The following FAM169A variants were observed in gnomAD, a reference collection of about 807,000 sequenced individuals.
The protein encoded by FAM169A is family with sequence similarity 169 member A, also known as soluble lamin-associated protein of 75 kDa.
Under a neutral mutation model 75.7 loss-of-function variants are expected in FAM169A, and 24 were observed. The observed-to-expected ratio is 0.32, with a 90% CI of 0.23 to 0.45. The LOEUF (loss-of-function observed/expected upper bound fraction) is 0.45. Ranked by LOEUF, FAM169A falls within the 20% of genes least tolerant of loss-of-function variation. The pLI, the probability that FAM169A is intolerant of heterozygous loss-of-function variation, is 1.00. For missense variants in FAM169A, 673 were observed against 784.0 expected, an observed-to-expected ratio of 0.86 and a Z score of 1.69; for synonymous variants, 271 against 271.0, an observed-to-expected ratio of 1.00 and a Z score of 0.00.
intron 1 of FAM169A, among the ~76,000 whole-genome samples, chr5:74,843,598 A>G (rs1748996870): frequency 6.6e-6 from 1 of 152,150 alleles, no homozygotes; most frequent in Non-Finnish European, 1.5e-5. Flanking sequence ...GTATTATTTC[A>G]TTGGTCTATC....
In FAM169A at chr5:74,804,498, G is replaced by A. The variant is rs1325975122; in HGVS notation, c.907C>T (p.Leu303=). 6.4e-7 allele frequency: 1 copy of A among 1,565,270 alleles called. No homozygotes were observed. The highest frequency in any genetic ancestry group is 1.7e-5 in the Admixed American group (1 of 57,838). The part of the protein sequence containing the change: ...TEDNQSSEMQ[L]TIDSLKDAFA... ...CATATAGACAGTGTACCTACAGTTA[G>A]CTGCATCTCACTAGACTGATTGTCT... The change falls in exon 8 of 13, where the codon CTA becomes TTA. Residue 303 remains leucine, a synonymous_variant. Coordinates refer to ENST00000687041, the MANE Select transcript of FAM169A (RefSeq NM_001376049.1).
At chr5:74,852,880 T>A (rs1185925030) in intron 1 of FAM169A, among the ~76,000 whole-genome samples, 1 of 152,134 alleles carries the variant, frequency 6.6e-6, no homozygotes, top group African/African-American at 2.4e-5. Flanking sequence ...CAGCTACATA[T>A]AGGTTGGATT....
intron 7 of FAM169A, among the ~76,000 whole-genome samples, chr5:74,804,949 A>T (rs181280866): frequency 4.6e-5 from 7 of 152,140 alleles, no homozygotes; most frequent in Admixed American, 2.0e-4. Context: ...GTTACTAAGG[A>T]CTCAAAAGTT....
chr5:74,809,897 G>A (rs542084459), intron 6 of FAM169A, among the ~76,000 whole-genome samples: 9 of 152,228 alleles, frequency 5.9e-5, no homozygotes, highest in East Asian at 1.9e-4. Context: ...ACGGGAATGC[G>A]AAATGACATA....
Position 74,842,057 on chromosome 5 carries a change from A to T in FAM169A, c.-3-378T>A, listed in dbSNP as rs565693773. On this transcript the variant is annotated intron_variant, in intron 1 of 12. Coordinates refer to ENST00000687041, the MANE Select transcript of FAM169A (RefSeq NM_001376049.1). ...AAAGGACACGAGAACTTGTTGGAAT[A>T]ATGAAAATGTTCTACAATTGGATTG... is the stretch of plus-strand genomic sequence containing the variant. Among the ~76,000 whole-genome samples the T allele has an allele frequency of 4.6e-5, 7 of 152,248 alleles. No homozygotes were observed. The East Asian group carries it at 1.2e-3, about 25-fold the overall frequency.
chr5:74,864,074 A>G (rs1026112128), intron 1 of FAM169A, among the ~76,000 whole-genome samples: 7 of 152,220 alleles, frequency 4.6e-5, no homozygotes, highest in African/African-American at 1.2e-4. Context: ...TTTGCCAGGG[A>G]TGGTACACAA....
intron 1 of FAM169A, among the ~76,000 whole-genome samples, chr5:74,858,046 T>C (rs1309445054): frequency 6.6e-6 from 1 of 151,844 alleles, no homozygotes; most frequent in African/African-American, 2.4e-5. Flanking sequence ...AAGCCAAATA[T>C]CAAGATGTCT....
chr5:74,798,443 A>C (rs1746390099), intron 10 of FAM169A, among the ~76,000 whole-genome samples: 1 of 152,226 alleles, frequency 6.6e-6, no homozygotes, highest in Non-Finnish European at 1.5e-5. Context: ...ACAGTTTTCT[A>C]AACTCATATT....
At chr5:74,833,210 A>G (rs1318649395) in intron 5 of FAM169A, among the ~76,000 whole-genome samples, 1 of 152,162 alleles carries the variant, frequency 6.6e-6, no homozygotes, top group African/African-American at 2.4e-5. Flanking sequence ...TCCAATTCCC[A>G]CAGGAATTGC....
chr5:74,781,738 G>A lies in FAM169A; in HGVS notation c.1735C>T (p.Pro579Ser). The A allele has an allele frequency of 6.2e-7, 1 of 1,614,056 alleles. No homozygotes were observed. Among genetic ancestry groups the A allele is most frequent in the Non-Finnish European group, 8.5e-7 (1 of 1,180,004 alleles). Residue 579 changes from proline to serine, a missense_variant, in exon 13 of 13, where the codon CCC becomes TCC. This residue lies in a region of FAM169A where 510 missense variants were observed against 550.9 expected (regional missense o/e 0.93). Coordinates refer to ENST00000687041, the MANE Select transcript of FAM169A (RefSeq NM_001376049.1). ...EDQGEEGVSE[P>S]QETSTALPQS... ...GGAAGAGCAGTAGATGTTTCCTGGGGCTCAGATACCCCCTCCTCACCCTGG... is the reference window on the plus strand; with the variant it reads ...GGAAGAGCAGTAGATGTTTCCTGGGACTCAGATACCCCCTCCTCACCCTGG...
intron 10 of FAM169A, among the ~76,000 whole-genome samples, chr5:74,797,154 T>A (rs376240837): frequency 2.0e-5 from 3 of 152,146 alleles, no homozygotes; most frequent in African/African-American, 7.2e-5. Context: ...TGTACCTTCT[T>A]TGAAAGCCTA....
intron 7 of FAM169A, among the ~76,000 whole-genome samples, 188 bp from the exon 8 acceptor site, chr5:74,804,793 G>C (rs1378847924): frequency 6.6e-6 from 1 of 152,160 alleles, no homozygotes; most frequent in Non-Finnish European, 1.5e-5. Context: ...ATGTTAAATA[G>C]TTATTTTAAG....
intron 5 of FAM169A, among the ~76,000 whole-genome samples, chr5:74,832,463 C>T (rs1748364043): frequency 6.6e-6 from 1 of 151,716 alleles, no homozygotes; most frequent in Admixed American, 6.6e-5. Flanking sequence ...AACTTATTTG[C>T]TATTTTAAAA....
intron 1 of FAM169A, among the ~76,000 whole-genome samples, chr5:74,849,575 G>A (rs757497655): frequency 1.1e-4 from 16 of 151,748 alleles, no homozygotes; most frequent in African/African-American, 3.4e-4. Context: ...ACCGAGAATA[G>A]GTTAGGTATC....
At chr5:74,854,858 T>C (rs1165645797) in intron 1 of FAM169A, among the ~76,000 whole-genome samples, 1 of 152,228 alleles carries the variant, frequency 6.6e-6, no homozygotes, top group African/African-American at 2.4e-5. Context: ...ATTCATTCGA[T>C]GATTGACACT....
chr5:74,862,895 G>C (rs1471321563), intron 1 of FAM169A, among the ~76,000 whole-genome samples: 1 of 152,072 alleles, frequency 6.6e-6, no homozygotes, highest in African/African-American at 2.4e-5. Context: ...CTCCGTGACA[G>C]TAGGGCCTGT....
chr5:74,862,424 T>A (rs571234619), intron 1 of FAM169A, among the ~76,000 whole-genome samples: 1 of 152,258 alleles, frequency 6.6e-6, no homozygotes, highest in African/African-American at 2.4e-5. Context: ...ATATCCCACA[T>A]CCCCAAAAGC....
intron 4 of FAM169A, among the ~76,000 whole-genome samples, chr5:74,837,352 T>C (rs973504505): frequency 4.6e-5 from 7 of 152,200 alleles, no homozygotes; most frequent in African/African-American, 1.2e-4. Flanking sequence ...CAAAGTTTCA[T>C]ATCAGACTGG....
intron 6 of FAM169A, among the ~76,000 whole-genome samples, chr5:74,813,068 A>G (rs1387210166): frequency 2.0e-5 from 3 of 152,220 alleles, no homozygotes; most frequent in African/African-American, 7.2e-5. Flanking sequence ...AGACACAAAA[A>G]GCCACATGCT....
Sources: allele counts gnomAD v4.1 joint callset (sites outside exome capture counted in the v4.1 genomes callset), GRCh38; gene constraint gnomAD v4.1.1; regional missense constraint gnomAD v4.1.1; transcripts MANE v1.5; gene names NCBI Gene and HGNC (gene_info 2026-07-23, HGNC 2026-07-21).